HMGCLL1: variants seen among roughly 807,000 people sequenced by gnomAD.
The protein encoded by HMGCLL1 is 3-hydroxy-3-methylglutaryl-CoA lyase like 1.
In HMGCLL1, 36 loss-of-function variants were observed where a neutral mutation model predicts 39.1. That is an observed-to-expected ratio of 0.92 (90% CI 0.71 to 1.22). The LOEUF is 1.22. HMGCLL1 is among the 50% of genes most tolerant of loss of function. The pLI is 0.00. For missense variants in HMGCLL1, 451 were observed against 416.5 expected, an observed-to-expected ratio of 1.08 and a Z score of -0.72; for synonymous variants, 149 against 144.0, an observed-to-expected ratio of 1.03 and a Z score of -0.25.
intron 3 of HMGCLL1, among the ~76,000 whole-genome samples, chr6:55,517,031 A>G (rs1436517299): frequency 6.6e-6 from 1 of 152,120 alleles, no homozygotes; most frequent in Admixed American, 6.6e-5. Flanking sequence ...AATGTTTAGG[A>G]AAATGTAAAT....
the HMGCLL1 span, among the ~76,000 whole-genome samples, chr6:55,641,407 T>TAGGTATATTAAAGGTATATTAA: frequency 6.6e-6 from 1 of 151,992 alleles, no homozygotes; most frequent in African/African-American, 2.4e-5. Flanking sequence ...TGCATAGTAA[T>TAGGTATATTAAAGGTATATTAA]AGGTATATTA....
chr6:55,578,855 T>G (rs1023821208), intron 1 of HMGCLL1, 93 bp downstream of exon 1: 4 of 887,342 alleles, frequency 4.5e-6, no homozygotes, highest in Non-Finnish European at 7.3e-6. Flanking sequence ...GGAGGTGACA[T>G]AAAGGGAGGA....
chr6:55,597,196 C>T, the HMGCLL1 span, among the ~76,000 whole-genome samples: 14 of 151,962 alleles, frequency 9.2e-5, no homozygotes, highest in Non-Finnish European at 1.9e-4. Context: ...TGATTTTTGG[C>T]TTCCATTACA....
chr6:55,521,264 C>G (rs1196582883), intron 3 of HMGCLL1, among the ~76,000 whole-genome samples: 1 of 152,106 alleles, frequency 6.6e-6, no homozygotes, highest in Non-Finnish European at 1.5e-5. Flanking sequence ...CAAGATAATG[C>G]ATATGAGAAT....
At chr6:55,464,787 A>C (rs1764729088) in intron 7 of HMGCLL1, among the ~76,000 whole-genome samples, 1 of 152,146 alleles carries the variant, frequency 6.6e-6, no homozygotes, top group African/African-American at 2.4e-5. Context: ...TGGTTTCAGG[A>C]TAGAATCAGT....
intron 3 of HMGCLL1, among the ~76,000 whole-genome samples, chr6:55,540,074 A>C (rs2127455671): frequency 6.7e-6 from 1 of 148,490 alleles, no homozygotes; most frequent in South Asian, 2.2e-4. Flanking sequence ...AGGGAAGGGA[A>C]GGAAGGAAAA....
the HMGCLL1 span, among the ~76,000 whole-genome samples, chr6:55,628,783 T>G: frequency 1.3e-5 from 2 of 152,132 alleles, no homozygotes; most frequent in African/African-American, 4.8e-5. Flanking sequence ...ATAAGTCTCA[T>G]GAAACCTGAT....
chr6:55,485,282 C>T (rs544875334), intron 7 of HMGCLL1, among the ~76,000 whole-genome samples: 24 of 152,036 alleles, frequency 1.6e-4, no homozygotes, highest in Middle Eastern at 3.4e-3. Context: ...TTAATATGCT[C>T]TAAAATGTAC....
At chr6:55,570,563 A>G (rs890571538) in intron 1 of HMGCLL1, among the ~76,000 whole-genome samples, 1 of 152,162 alleles carries the variant, frequency 6.6e-6, no homozygotes, top group African/African-American at 2.4e-5. Flanking sequence ...TTCATATATC[A>G]AGGCCATTAG....
intron 7 of HMGCLL1, among the ~76,000 whole-genome samples, chr6:55,491,058 T>G (rs1480183726): frequency 6.6e-6 from 1 of 152,158 alleles, no homozygotes; most frequent in Non-Finnish European, 1.5e-5. Context: ...CAAGGCATCA[T>G]TCTAGAAATT....
chr6:55,676,040 G>T, the HMGCLL1 span, among the ~76,000 whole-genome samples: 1 of 152,110 alleles, frequency 6.6e-6, no homozygotes, highest in East Asian at 1.9e-4. Context: ...CTGAAGATTG[G>T]CCTTATGTGT....
chr6:55,621,428 CTGCTCCCCAT>C, the HMGCLL1 span, among the ~76,000 whole-genome samples: 4 of 152,002 alleles, frequency 2.6e-5, no homozygotes, highest in Non-Finnish European at 5.9e-5. Flanking sequence ...GTATTTATAG[CTGCTCCCCAT>C]TGCTCACATT....
intron 7 of HMGCLL1, among the ~76,000 whole-genome samples, chr6:55,477,277 T>G (rs1429015846): frequency 5.1e-5 from 1 of 19,438 alleles, no homozygotes; most frequent in Non-Finnish European, 7.0e-5. Flanking sequence ...TAATATATAT[T>G]ATATATTATA....
chr6:55,644,746 T>C, the HMGCLL1 span, among the ~76,000 whole-genome samples: 52,967 of 151,762 alleles, frequency 0.35, 9,601 homozygotes, highest in African/African-American at 0.44. Context: ...TATTCTGTTC[T>C]ATTGGCCTAT....
At chr6:55,554,684 G>C (rs1403771824) in intron 1 of HMGCLL1, among the ~76,000 whole-genome samples, 3 of 152,088 alleles carry the variant, frequency 2.0e-5, no homozygotes, top group African/African-American at 4.8e-5. Flanking sequence ...GGCATTTAGA[G>C]GAAGCTATGC....
chr6:55,499,749 G>A (rs1172907548), intron 5 of HMGCLL1, among the ~76,000 whole-genome samples: 1 of 151,920 alleles, frequency 6.6e-6, no homozygotes, highest in East Asian at 1.9e-4. Context: ...GCCTCATTTA[G>A]GTACAGCCAT....
the HMGCLL1 span, among the ~76,000 whole-genome samples, chr6:55,608,978 AC>A: frequency 7.2e-5 from 11 of 152,298 alleles, no homozygotes; most frequent in South Asian, 2.3e-3. Context: ...GGGAGGCCCT[AC>A]CCCCAGCCAA....
At chr6:55,517,109 C>A (rs1767781333) in intron 3 of HMGCLL1, among the ~76,000 whole-genome samples, 1 of 151,976 alleles carries the variant, frequency 6.6e-6, no homozygotes. Flanking sequence ...AGCATTGGTG[C>A]TTTAGTTAGT....
At chr6:55,534,338 A>G (rs1263145586) in intron 3 of HMGCLL1, among the ~76,000 whole-genome samples, 3 of 152,166 alleles carry the variant, frequency 2.0e-5, no homozygotes, top group Non-Finnish European at 4.4e-5. Flanking sequence ...GCTGTGACCC[A>G]ATATAAAGGT....
Sources: gnomAD v4.1 joint callset for allele counts (sites outside exome capture counted in the v4.1 genomes callset) on GRCh38, gnomAD v4.1.1 for gene constraint, MANE v1.5 for transcripts, NCBI Gene and HGNC (gene_info 2026-07-23, HGNC 2026-07-21) for gene names.